The following ATP9B variants were observed in gnomAD, a reference collection of about 807,000 sequenced individuals.
The protein encoded by ATP9B is ATPase phospholipid transporting 9B, also known as probable phospholipid-transporting ATPase IIB.
Under a neutral mutation model 146.1 loss-of-function variants are expected in ATP9B, and 110 were observed. That is an observed-to-expected ratio of 0.75 (90% CI 0.65 to 0.88). The LOEUF (loss-of-function observed/expected upper bound fraction) is 0.88. Among genes scored for constraint, ATP9B ranks in the 40% least tolerant of loss-of-function variants. The probability of loss-of-function intolerance (pLI) is 0.00; values close to 1 mark genes in which losing one functional copy is unlikely to be tolerated. For missense variants in ATP9B, 1,499 were observed against 1,496.4 expected, an observed-to-expected ratio of 1.00 and a Z score of -0.03; for synonymous variants, 604 against 569.7, an observed-to-expected ratio of 1.06 and a Z score of -0.86.
intron 7 of ATP9B, among the ~76,000 whole-genome samples, chr18:79,161,081 T>C (rs1296273345): frequency 6.6e-6 from 1 of 152,152 alleles, no homozygotes; most frequent in African/African-American, 2.4e-5. Context: ...CTAATAGCAA[T>C]TTTGGAAATT....
In ATP9B at chr18:79,201,478, G is replaced by A. The variant is rs183430415; in HGVS notation, c.955-5459G>A. 1.2e-4 allele frequency among the ~76,000 whole-genome samples: 18 copies of A among 152,304 alleles called. No homozygotes were observed. The East Asian group carries it at 3.3e-3, about 28-fold the overall frequency. On this transcript the variant is annotated intron_variant, in intron 9 of 29. Coordinates refer to ENST00000426216, the MANE Select transcript of ATP9B (RefSeq NM_198531.5). ...TTAGAACAAATTGGCTGGGCATGGT[G>A]GCTCATGCTTGTAACCCTAGCACTT...
intron 13 of ATP9B, among the ~76,000 whole-genome samples, chr18:79,291,829 C>T (rs949159113): frequency 6.6e-6 from 1 of 152,210 alleles, no homozygotes; most frequent in Non-Finnish European, 1.5e-5. Context: ...TCTTATTCCA[C>T]TCTCACCACA....
At chr18:79,078,686 A>ATTTTT (rs2072906714) in intron 1 of ATP9B, among the ~76,000 whole-genome samples, 1 of 149,750 alleles carries the variant, frequency 6.7e-6, no homozygotes. Flanking sequence ...TTATGCTTTA[A>ATTTTT]GTTCTGGGAT....
At chr18:79,376,614 T>C (rs2097104768) in intron 29 of ATP9B, among the ~76,000 whole-genome samples, 1 of 151,892 alleles carries the variant, frequency 6.6e-6, no homozygotes, top group South Asian at 2.1e-4. Flanking sequence ...GGTCTCAAAC[T>C]CCTGACCTCA....
chr18:79,122,470 G>A (rs1186655815), intron 4 of ATP9B, among the ~76,000 whole-genome samples: 3 of 152,048 alleles, frequency 2.0e-5, no homozygotes, highest in Admixed American at 6.6e-5. Context: ...TAATACTGAC[G>A]TATCTTAAAA....
intron 17 of ATP9B, among the ~76,000 whole-genome samples, chr18:79,330,615 A>G (rs777858550): frequency 2.4e-4 from 37 of 152,030 alleles, no homozygotes; most frequent in Admixed American, 3.9e-4. Context: ...GGGTTTCACC[A>G]TGTTAGCCAG....
At chr18:79,079,659 C>T (rs1331849333) in intron 1 of ATP9B, among the ~76,000 whole-genome samples, 1 of 152,188 alleles carries the variant, frequency 6.6e-6, no homozygotes, top group Non-Finnish European at 1.5e-5. Flanking sequence ...AATTAGATCC[C>T]ATTTGTCAAT....
At chr18:79,096,793 T>C (rs1428270111) in intron 2 of ATP9B, 144 bp downstream of exon 2, 1 of 715,678 alleles carries the variant, frequency 1.4e-6, no homozygotes, top group African/African-American at 1.8e-5. Context: ...AGTACATTAA[T>C]CAAAGCCAAA....
intron 9 of ATP9B, among the ~76,000 whole-genome samples, chr18:79,206,564 A>G (rs967103552): frequency 6.6e-6 from 1 of 152,218 alleles, no homozygotes; most frequent in South Asian, 2.1e-4. Flanking sequence ...GGAGTCTGAG[A>G]TGGGACGATT....
At chr18:79,101,883 C>T (rs1388480239) in intron 2 of ATP9B, among the ~76,000 whole-genome samples, 1 of 152,152 alleles carries the variant, frequency 6.6e-6, no homozygotes, top group Non-Finnish European at 1.5e-5. Context: ...TTTACATATT[C>T]TAACTATGGG....
At chr18:79,121,459 C>CT (rs1392692216) in intron 4 of ATP9B, among the ~76,000 whole-genome samples, 1 of 152,168 alleles carries the variant, frequency 6.6e-6, no homozygotes, top group Admixed American at 6.5e-5. Context: ...CCAAGTGCTC[C>CT]TACAGTAAGA....
chr18:79,144,314 C>T (rs748660772), intron 6 of ATP9B: 1 of 152,284 alleles, frequency 6.6e-6, no homozygotes, highest in Non-Finnish European at 1.5e-5. Flanking sequence ...ATCAATAAAT[C>T]CTCTGTATGC....
At chr18:79,264,084 C>G (rs1335841560) in intron 12 of ATP9B, among the ~76,000 whole-genome samples, 1 of 150,108 alleles carries the variant, frequency 6.7e-6, no homozygotes, top group African/African-American at 2.5e-5. Flanking sequence ...GACTCTGTCT[C>G]AAAAAAAAGA....
intron 7 of ATP9B, among the ~76,000 whole-genome samples, chr18:79,175,568 A>G (rs534816536): frequency 2.0e-4 from 30 of 152,334 alleles, no homozygotes; most frequent in African/African-American, 7.0e-4. Flanking sequence ...GCATGCCCTC[A>G]CATCTGTCAC....
intron 8 of ATP9B, among the ~76,000 whole-genome samples, chr18:79,190,509 T>TACACAC (rs1491116061): frequency 5.2e-5 from 5 of 95,406 alleles, no homozygotes; most frequent in Admixed American, 1.1e-4. Context: ...CCTTTTTATT[T>TACACAC]ATACACACAC....
chr18:79,171,218 T>G (rs912058253), intron 7 of ATP9B, among the ~76,000 whole-genome samples: 10 of 152,226 alleles, frequency 6.6e-5, no homozygotes, highest in African/African-American at 2.4e-4. Context: ...TATTTAAATC[T>G]GATTGTTGCT....
At chr18:79,254,151 A>G (rs1382035951) in intron 12 of ATP9B, 1 of 152,192 alleles carries the variant, frequency 6.6e-6, no homozygotes, top group East Asian at 1.9e-4. Flanking sequence ...ATGATTTAAA[A>G]TTTTCATAGG....
intron 11 of ATP9B, among the ~76,000 whole-genome samples, chr18:79,249,792 A>C (rs935253671): frequency 6.6e-6 from 1 of 152,264 alleles, no homozygotes. Context: ...TGGGTTAAAA[A>C]AATGCAAGTG....
chr18:79,126,218 T>G (rs771077519), intron 4 of ATP9B, 49 bp from the exon 5 acceptor site: 5 of 1,478,490 alleles, frequency 3.4e-6, no homozygotes, highest in Non-Finnish European at 3.7e-6. Flanking sequence ...TAATTTTGTC[T>G]TTTTTGTTAA....
Sources: allele counts gnomAD v4.1 joint callset (sites outside exome capture counted in the v4.1 genomes callset), GRCh38; gene constraint gnomAD v4.1.1; transcripts MANE v1.5; gene names NCBI Gene and HGNC (gene_info 2026-07-23, HGNC 2026-07-21).